ADGRL3: variants seen among roughly 807,000 people sequenced by gnomAD.
The protein encoded by ADGRL3 is calcium-independent alpha-latrotoxin receptor 3.
In ADGRL3, 62 loss-of-function variants were observed where a neutral mutation model predicts 153.5. That is an observed-to-expected ratio of 0.40 (90% CI 0.33 to 0.50). ADGRL3 has a LOEUF of 0.50. Among genes scored for constraint, ADGRL3 ranks in the 20% least tolerant of loss-of-function variants. The pLI is 0.47. For missense variants in ADGRL3, 1,641 were observed against 1,859.4 expected, an observed-to-expected ratio of 0.88 and a Z score of 2.16; for synonymous variants, 710 against 672.5, an observed-to-expected ratio of 1.06 and a Z score of -0.86.
At chr4:61,321,625 C>A (rs2095357966) in intron 1 of ADGRL3, among the ~76,000 whole-genome samples, 1 of 150,750 alleles carries the variant, frequency 6.6e-6, no homozygotes, top group Non-Finnish European at 1.5e-5. Flanking sequence ...ATGGTGTAGC[C>A]TGTTGCTCCT....
At chr4:61,807,312 AT>A (rs1342497987) in intron 8 of ADGRL3, among the ~76,000 whole-genome samples, 1 of 142,906 alleles carries the variant, frequency 7.0e-6, no homozygotes, top group Non-Finnish European at 1.5e-5. Flanking sequence ...TTTGCAAAAA[AT>A]AATTGCTCTA....
chr4:61,926,549 A>G (rs1000187929), intron 13 of ADGRL3, among the ~76,000 whole-genome samples: 2 of 152,122 alleles, frequency 1.3e-5, no homozygotes, highest in African/African-American at 4.8e-5. Flanking sequence ...GTTCTACTCT[A>G]TGTTAGCTAA....
At chr4:61,650,763 G>A (rs550054701) in intron 5 of ADGRL3, among the ~76,000 whole-genome samples, 143 of 151,976 alleles carry the variant, frequency 9.4e-4, no homozygotes, top group Non-Finnish European at 1.4e-3. Context: ...CAACTGCAAG[G>A]TTGTGATTAG....
intron 1 of ADGRL3, among the ~76,000 whole-genome samples, chr4:61,375,193 T>C (rs1003843201): frequency 2.6e-5 from 4 of 152,172 alleles, no homozygotes; most frequent in African/African-American, 9.6e-5. Flanking sequence ...TTTGGTAGCA[T>C]GTGTTGGCAC....
chr4:61,850,609 G>A (rs905264165), intron 9 of ADGRL3, among the ~76,000 whole-genome samples: 9 of 152,070 alleles, frequency 5.9e-5, no homozygotes, highest in Non-Finnish European at 8.8e-5. Flanking sequence ...CATATAAAAC[G>A]ACAGCATAAA....
intron 18 of ADGRL3, among the ~76,000 whole-genome samples, chr4:61,980,137 T>C (rs1416107555): frequency 6.6e-6 from 1 of 152,048 alleles, no homozygotes; most frequent in Non-Finnish European, 1.5e-5. Context: ...TGACAACTGA[T>C]GAACCTGCAT....
At chr4:61,558,002 T>G (rs2098775260) in intron 4 of ADGRL3, among the ~76,000 whole-genome samples, 1 of 151,374 alleles carries the variant, frequency 6.6e-6, no homozygotes, top group Non-Finnish European at 1.5e-5. Context: ...GCTTGTGAAA[T>G]GATTTCAAAA....
intron 4 of ADGRL3, among the ~76,000 whole-genome samples, chr4:61,558,460 T>G (rs2098778902): frequency 6.6e-6 from 1 of 151,846 alleles, no homozygotes; most frequent in African/African-American, 2.4e-5. Context: ...CCCACTGTCT[T>G]TTACCAATAC....
chr4:61,915,588 T>C (rs984879276), intron 13 of ADGRL3, among the ~76,000 whole-genome samples: 3 of 152,088 alleles, frequency 2.0e-5, no homozygotes, highest in African/African-American at 4.8e-5. Context: ...TGGGTTATAA[T>C]TGACTGACTA....
In ADGRL3 at chr4:61,511,229, G is replaced by A. The variant is rs577421881; in HGVS notation, c.56-6086G>A. ...AAAAAAATTAGCCGGACATGGTGGC[G>A]GGTGCCACCTCATCACCTTATCTCA... On this transcript the variant is annotated intron_variant, in intron 3 of 26. Coordinates refer to ENST00000683033, the MANE Select transcript of ADGRL3 (RefSeq NM_001387552.1). 7.9e-5 allele frequency among the ~76,000 whole-genome samples: 12 copies of A among 152,154 alleles called. No individual in the cohort carries two copies. The South Asian group carries it at 2.3e-3, about 29-fold the overall frequency.
intron 24 of ADGRL3, among the ~76,000 whole-genome samples, chr4:62,043,774 C>T (rs1729652726): frequency 6.6e-6 from 1 of 151,896 alleles, no homozygotes; most frequent in African/African-American, 2.4e-5. Flanking sequence ...ATATCTGACC[C>T]TTAGAAATTT....
At chr4:61,611,038 G>A (rs2091273889) in intron 5 of ADGRL3, among the ~76,000 whole-genome samples, 1 of 152,090 alleles carries the variant, frequency 6.6e-6, no homozygotes, top group Non-Finnish European at 1.5e-5. Flanking sequence ...TTAGGCAGAT[G>A]TTAGATGCTC....
intron 6 of ADGRL3, among the ~76,000 whole-genome samples, chr4:61,697,584 C>G (rs56759818): frequency 0.019 from 2,828 of 151,388 alleles, 106 homozygotes; most frequent in African/African-American, 0.065. Flanking sequence ...AAATATTATC[C>G]AGAACTTCAA....
chr4:61,815,161 A>T (rs140155112), intron 9 of ADGRL3, among the ~76,000 whole-genome samples: 1 of 152,136 alleles, frequency 6.6e-6, no homozygotes, highest in African/African-American at 2.4e-5. Context: ...AAACATAAAT[A>T]TGTGAAGGTA....
intron 15 of ADGRL3, among the ~76,000 whole-genome samples, chr4:61,945,822 T>C (rs2098919863): frequency 1.3e-5 from 2 of 151,960 alleles, no homozygotes; most frequent in East Asian, 2.0e-4. Context: ...CACACTGGCC[T>C]GCGCCCACTG....
At chr4:61,646,184 T>C (rs2093973607) in intron 5 of ADGRL3, among the ~76,000 whole-genome samples, 1 of 152,062 alleles carries the variant, frequency 6.6e-6, no homozygotes, top group South Asian at 2.1e-4. Context: ...TTATACATTC[T>C]TCTAAATTTT....
intron 1 of ADGRL3, among the ~76,000 whole-genome samples, chr4:61,328,009 CA>C (rs2095498287): frequency 6.6e-6 from 1 of 151,992 alleles, no homozygotes; most frequent in Admixed American, 6.6e-5. Context: ...TGGTAGTGTG[CA>C]ATGGAGCATG....
intron 3 of ADGRL3, among the ~76,000 whole-genome samples, chr4:61,499,813 T>C (rs949960142): frequency 2.6e-5 from 4 of 152,036 alleles, no homozygotes; most frequent in African/African-American, 9.7e-5. Context: ...AAAATTAGGT[T>C]AAAAATAGCA....
intron 8 of ADGRL3, among the ~76,000 whole-genome samples, chr4:61,757,556 T>C (rs1409662433): frequency 6.6e-6 from 1 of 152,128 alleles, no homozygotes; most frequent in Non-Finnish European, 1.5e-5. Context: ...TTTGTTGATC[T>C]TTTCAAAAAA....
Sources: allele counts gnomAD v4.1 joint callset (sites outside exome capture counted in the v4.1 genomes callset), GRCh38; gene constraint gnomAD v4.1.1; transcripts MANE v1.5; gene names NCBI Gene and HGNC (gene_info 2026-07-23, HGNC 2026-07-21).